The following PDE11A variants were observed in gnomAD, a reference collection of about 807,000 sequenced individuals.
PDE11A encodes the protein dual 3',5'-cyclic-AMP and -GMP phosphodiesterase 11A.
A neutral mutation model predicts 100.5 loss-of-function variants in PDE11A; 100 were observed. The ratio of observed to expected loss-of-function variants is 1.00; its 90% CI spans 0.85 to 1.18. PDE11A has a LOEUF of 1.18. Among genes scored for constraint, PDE11A ranks in the 50% most tolerant of loss-of-function variants. The probability of loss-of-function intolerance (pLI) is 0.00; values close to 1 mark genes in which losing one functional copy is unlikely to be tolerated. For synonymous variants in PDE11A, 381 were observed against 420.8 expected (o/e 0.91, Z 1.16); for missense variants, 1,141 against 1,152.6 (o/e 0.99, Z 0.15).
At chr2:177,965,653 G>A (rs983366908) in intron 2 of PDE11A, among the ~76,000 whole-genome samples, 1 of 152,016 alleles carries the variant, frequency 6.6e-6, no homozygotes, top group Admixed American at 6.6e-5. Flanking sequence ...CAACTTTGTC[G>A]AAGATCAGAT....
At chr2:177,926,059 G>A (rs1000208892) in intron 2 of PDE11A, among the ~76,000 whole-genome samples, 21 of 150,610 alleles carry the variant, frequency 1.4e-4, no homozygotes, top group African/African-American at 4.6e-4. Flanking sequence ...TATCAACTTA[G>A]CAAGATAATA....
At chr2:177,834,565 C>T (rs2083362436) in intron 6 of PDE11A, among the ~76,000 whole-genome samples, 1 of 152,222 alleles carries the variant, frequency 6.6e-6, no homozygotes, top group African/African-American at 2.4e-5. Flanking sequence ...GTCTGGGGCA[C>T]ACAGCCTGGG....
intron 12 of PDE11A, among the ~76,000 whole-genome samples, chr2:177,721,616 C>A (rs1574078427): frequency 6.6e-6 from 1 of 152,110 alleles, no homozygotes; most frequent in East Asian, 1.9e-4. Context: ...AATATTTGTG[C>A]TTTATGATTT....
At chr2:177,793,991 T>C (rs919447957) in intron 9 of PDE11A, among the ~76,000 whole-genome samples, 2 of 152,196 alleles carry the variant, frequency 1.3e-5, no homozygotes, top group Non-Finnish European at 1.5e-5. Context: ...GGAACTATTG[T>C]AGGTGCTAGG....
intron 10 of PDE11A, among the ~76,000 whole-genome samples, chr2:177,747,223 A>G (rs935481806): frequency 6.6e-6 from 1 of 152,226 alleles, no homozygotes; most frequent in East Asian, 1.9e-4. Context: ...AAAAGCATCA[A>G]TGATTTTGTC....
chr2:177,680,038 C>T (rs1360443640), intron 16 of PDE11A, among the ~76,000 whole-genome samples: 4 of 152,082 alleles, frequency 2.6e-5, no homozygotes, highest in South Asian at 2.1e-4. Context: ...GGCCTGTGTT[C>T]AGAAGATGGT....
At chr2:177,658,790 T>C (rs1245353907) in intron 19 of PDE11A, among the ~76,000 whole-genome samples, 1 of 151,236 alleles carries the variant, frequency 6.6e-6, no homozygotes, top group Non-Finnish European at 1.5e-5. Flanking sequence ...AGTACTTTCA[T>C]CAGTATCCAG....
chr2:177,745,882 C>A (rs2081940831), intron 10 of PDE11A, among the ~76,000 whole-genome samples: 1 of 152,172 alleles, frequency 6.6e-6, no homozygotes, highest in African/African-American at 2.4e-5. Flanking sequence ...GCTGAGGAGA[C>A]TAGGGAGCCC....
chr2:177,747,378 G>T lies in PDE11A; in HGVS notation c.1789-19206C>A, dbSNP rs371418321. The stretch of plus-strand genomic sequence containing the variant: ...TTGGTGCTCTACTTTGGACACATTT[G>T]CTTTTGGCTCTGAACTCCCAGAAGC... On this transcript the variant is annotated intron_variant, in intron 10 of 19. Transcript: ENST00000286063. 2.5e-4 allele frequency among the ~76,000 whole-genome samples: 38 copies of T among 152,294 alleles called. No individual in the cohort carries two copies. In the South Asian group the frequency reaches 5.4e-3, roughly 22 times the overall value.
intron 5 of PDE11A, among the ~76,000 whole-genome samples, chr2:177,854,358 G>T (rs756779484): frequency 1.2e-4 from 18 of 151,954 alleles, no homozygotes; most frequent in Non-Finnish European, 2.4e-4. Flanking sequence ...AAGAGGTAAA[G>T]ATTAGATGCT....
intron 15 of PDE11A, among the ~76,000 whole-genome samples, chr2:177,686,154 G>A (rs1188921813): frequency 3.9e-5 from 6 of 152,148 alleles, no homozygotes; most frequent in Admixed American, 6.5e-5. Context: ...TGGCTACTTC[G>A]TGATAAGTTC....
intron 2 of PDE11A, among the ~76,000 whole-genome samples, chr2:177,943,717 G>A (rs2085371549): frequency 6.6e-6 from 1 of 152,112 alleles, no homozygotes; most frequent in African/African-American, 2.4e-5. Context: ...TTGACACCCA[G>A]AAGTTTTTGA....
intron 5 of PDE11A, among the ~76,000 whole-genome samples, chr2:177,851,309 T>C (rs1481038519): frequency 6.6e-6 from 1 of 152,010 alleles, no homozygotes; most frequent in African/African-American, 2.4e-5. Context: ...CACCGCATGT[T>C]CTCGCTCATA....
chr2:177,997,357 A>G, intron 2 of PDE11A: 1 of 856,974 alleles, frequency 1.2e-6, no homozygotes, highest in Non-Finnish European at 2.0e-6. Context: ...GTTCTGCTGA[A>G]GATTTCTGGG....
chr2:177,722,417 T>A (rs2081543927), intron 12 of PDE11A, among the ~76,000 whole-genome samples: 1 of 152,154 alleles, frequency 6.6e-6, no homozygotes. Context: ...GGAAATGGAT[T>A]GGATTATCCT....
intron 1 of PDE11A, among the ~76,000 whole-genome samples, chr2:178,027,800 T>C (rs1243061915): frequency 1.3e-5 from 2 of 152,170 alleles, no homozygotes; most frequent in East Asian, 1.9e-4. Flanking sequence ...AATGGATGGA[T>C]TTTTCAACTC....
chr2:177,873,941 C>T (rs1321839908), intron 5 of PDE11A, among the ~76,000 whole-genome samples: 3 of 152,092 alleles, frequency 2.0e-5, no homozygotes, highest in Non-Finnish European at 4.4e-5. Context: ...GCCTTTAGAA[C>T]ATATAGACCT....
intron 9 of PDE11A, among the ~76,000 whole-genome samples, chr2:177,808,544 G>C (rs560914536): frequency 3.9e-5 from 6 of 152,270 alleles, no homozygotes; most frequent in Admixed American, 3.9e-4. Context: ...TCTCTGAATT[G>C]TGTAAGAAAA....
chr2:178,065,962 AT>A (rs2087037720), intron 1 of PDE11A, among the ~76,000 whole-genome samples: 1 of 151,590 alleles, frequency 6.6e-6, no homozygotes, highest in South Asian at 2.1e-4. Context: ...ATTAGAAAAT[AT>A]ATATAATAAA....
Sources: allele counts gnomAD v4.1 joint callset (sites outside exome capture counted in the v4.1 genomes callset), GRCh38; gene constraint gnomAD v4.1.1; transcripts MANE v1.5; gene names NCBI Gene and HGNC (gene_info 2026-07-23, HGNC 2026-07-21).